The following B3GALNT1 variants were observed in gnomAD, a reference collection of about 807,000 sequenced individuals.
B3GALNT1 encodes UDP-GalNAc:beta-1,3-N-acetylgalactosaminyltransferase 1.
A neutral mutation model predicts 27.3 loss-of-function variants in B3GALNT1; 17 were observed. The ratio of observed to expected loss-of-function variants is 0.62; its 90% CI spans 0.43 to 0.94. The LOEUF is 0.94. B3GALNT1 is among the 40% of genes least tolerant of loss of function. B3GALNT1 has a pLI of 0.00. For synonymous variants in B3GALNT1, 141 were observed against 144.0 expected, an observed-to-expected ratio of 0.98 and a Z score of 0.15; for missense variants, 347 against 390.0, an observed-to-expected ratio of 0.89 and a Z score of 0.93.
In B3GALNT1 at chr3:161,086,606, A is replaced by C. The variant is rs1722117498; in HGVS notation, c.149T>G (p.Met50Arg). 3 of 1,614,208 alleles carry C rather than the reference A, an allele frequency of 1.9e-6. No individual in the cohort carries two copies. Among genetic ancestry groups the C allele is most frequent in the East Asian group, 2.2e-5 (1 of 44,886 alleles). The stretch of plus-strand genomic sequence containing the variant: ...AATCGGCTCATACTCATAGAAGTAC[A>C]TCCAGTTCACGCGTTCTATCACATT... ...HYNVIERVNWMYFYEYEPIYR... is the reference protein window; with the variant it reads ...HYNVIERVNWRYFYEYEPIYR... Residue 50 changes from methionine (M) to arginine (R), a missense_variant, in exon 5 of 5, where the codon ATG (methionine) becomes AGG (arginine). Coordinates refer to ENST00000320474, the MANE Select transcript of B3GALNT1 (RefSeq NM_003781.4).
At chr3:161,086,826 C>T in intron 4 of B3GALNT1, 38 bp from the exon 5 acceptor site, 2 of 1,570,738 alleles carry the variant, frequency 1.3e-6, no homozygotes, top group Non-Finnish European at 8.7e-7. Context: ...ATATTCCACA[C>T]CGAAAACACA....
At chr3:161,092,814 T>TGGA (rs1426331146) in intron 4 of B3GALNT1, among the ~76,000 whole-genome samples, 1 of 139,602 alleles carries the variant, frequency 7.2e-6, no homozygotes, top group African/African-American at 2.7e-5. Context: ...TCGCCCAGGC[T>TGGA]GGAGTGCAGT....
chr3:161,104,816 C>T, intron 1 of B3GALNT1: 1 of 153,552 alleles, frequency 6.5e-6, no homozygotes, highest in Non-Finnish European at 1.4e-5. Context: ...TTCCTCGGCA[C>T]CGCTGCAAAC....
chr3:161,094,448 T>C (rs1704086620), intron 4 of B3GALNT1, among the ~76,000 whole-genome samples: 1 of 152,118 alleles, frequency 6.6e-6, no homozygotes, highest in Middle Eastern at 3.2e-3. Context: ...ATGCAAAGAT[T>C]CCAGGAAAAC....
Position 161,086,557 on chromosome 3 carries a change from T to C in B3GALNT1, c.198A>G (p.Thr66=), listed in dbSNP as rs767745497. The C allele has an allele frequency of 2.2e-5, 36 of 1,614,024 alleles. No individual in the cohort carries two copies. The highest frequency in any genetic ancestry group is 1.1e-5 in the Non-Finnish European group (13 of 1,180,048). The change falls in exon 5 of 5, where the codon ACA becomes ACG. Residue 66 remains threonine (T), a synonymous_variant. Transcript: ENST00000320474. The part of the protein sequence containing the change: ...EPIYRQDFHF[T]LREHSNCSHQ... ...GAGAGCAGTTTGAATGCTCTCGAAGTGTGAAGTGAAAGTCTTGTCTGTAAA... is the reference window on the plus strand; with the variant it reads ...GAGAGCAGTTTGAATGCTCTCGAAGCGTGAAGTGAAAGTCTTGTCTGTAAA...
chr3:161,086,885 C>A (rs1722343798), intron 4 of B3GALNT1, 97 bp from the exon 5 acceptor site: 2 of 1,296,642 alleles, frequency 1.5e-6, no homozygotes, highest in African/African-American at 3.0e-5. Context: ...AGTAGGAGAA[C>A]AGAATCTCCA....
chr3:161,093,887 G>T (rs1726709920), intron 4 of B3GALNT1, among the ~76,000 whole-genome samples: 1 of 151,964 alleles, frequency 6.6e-6, no homozygotes, highest in African/African-American at 2.4e-5. Context: ...ATATGAATTT[G>T]CCAACTATAA....
chr3:161,088,372 A>G (rs867336137), intron 4 of B3GALNT1, among the ~76,000 whole-genome samples: 6 of 152,180 alleles, frequency 3.9e-5, no homozygotes, highest in Non-Finnish European at 8.8e-5. Flanking sequence ...ACATTCTATG[A>G]CCTTGTTGGC....
intron 4 of B3GALNT1, among the ~76,000 whole-genome samples, chr3:161,087,156 T>C (rs529356775): frequency 6.6e-6 from 1 of 152,128 alleles, no homozygotes; most frequent in East Asian, 1.9e-4. Context: ...TAAAAACAAA[T>C]AAATAAAATG....
chr3:161,091,966 C>T (rs900577435), intron 4 of B3GALNT1, among the ~76,000 whole-genome samples: 2 of 152,156 alleles, frequency 1.3e-5, no homozygotes, highest in Admixed American at 6.5e-5. Flanking sequence ...AGTAACACCA[C>T]GAAGATTACT....
At position 161,092,499 on chromosome 3, in the gene B3GALNT1, G is replaced by A. The variant is rs568483898; in HGVS notation, c.-34-5711C>T. The stretch of plus-strand genomic sequence containing the variant: ...CACCTATCAGCAGGAAGAATGAAAG[G>A]AACATGTGGTTAAAGGGGGAAAAAA... On this transcript the variant is annotated intron_variant, in intron 4 of 4. Coordinates refer to ENST00000320474, the MANE Select transcript of B3GALNT1 (RefSeq NM_003781.4). 5.9e-5 allele frequency among the ~76,000 whole-genome samples: 9 copies of A among 152,158 alleles called. 1 individual carries two copies. The South Asian group carries it at 1.9e-3, about 32-fold the overall frequency.
intron 3 of B3GALNT1, chr3:161,103,093 C>T (rs1031907232): frequency 2.6e-5 from 4 of 152,254 alleles, no homozygotes; most frequent in African/African-American, 9.7e-5. Flanking sequence ...ATTATTAGAG[C>T]CGGGTGAGGT....
In B3GALNT1 at chr3:161,101,166, A is replaced by G; in HGVS notation, c.-62T>C. 4 of 1,289,826 alleles carry G rather than the reference A, an allele frequency of 3.1e-6. No individual in the cohort carries two copies. The highest frequency in any genetic ancestry group is 4.0e-6 in the Non-Finnish European group (4 of 988,882). 79.9% of individuals were successfully genotyped at this position (1,289,826 alleles called of 1,614,324 possible). On this transcript the variant is annotated 5_prime_UTR_variant, in exon 4 of 5. Coordinates refer to ENST00000320474, the MANE Select transcript of B3GALNT1 (RefSeq NM_003781.4). ...TTACACTCGGGGTGAGTAGTCGGAG[A>G]GCACCACGTGATAGAGCAGCCAGCG...
At chr3:161,100,978 T>A (rs1053981783) in intron 4 of B3GALNT1, among the ~76,000 whole-genome samples, 161 bp downstream of exon 4, 4 of 152,078 alleles carry the variant, frequency 2.6e-5, no homozygotes, top group Non-Finnish European at 5.9e-5. Context: ...GCAGCCCAGG[T>A]AGAGGAAGAC....
chr3:161,100,094 G>C (rs1184387129), intron 4 of B3GALNT1, among the ~76,000 whole-genome samples: 1 of 152,154 alleles, frequency 6.6e-6, no homozygotes. Flanking sequence ...AATAAAATAT[G>C]TAAGTATCAC....
chr3:161,094,354 G>A (rs541617056), intron 4 of B3GALNT1, among the ~76,000 whole-genome samples: 7 of 152,230 alleles, frequency 4.6e-5, no homozygotes, highest in African/African-American at 1.7e-4. Context: ...GTAACTAATT[G>A]TTCATGCAGA....
In B3GALNT1 at chr3:161,092,790, G is replaced by A. The variant is rs1322367708; in HGVS notation, c.-34-6002C>T. On this transcript the variant is annotated intron_variant, in intron 4 of 4. Coordinates refer to ENST00000320474, the MANE Select transcript of B3GALNT1 (RefSeq NM_003781.4). ...TTTTTTTTTTTTTTTTTTTTGAGAT[G>A]GAGTCTCGCTCTGTCGCCCAGGCTG... 1.5e-4 allele frequency among the ~76,000 whole-genome samples: 16 copies of A among 109,494 alleles called. No homozygotes were observed. The Admixed American group carries it at 1.8e-3, about 12-fold the overall frequency. 71.8% of individuals were successfully genotyped at this position (109,494 alleles called of 152,430 possible).
At chr3:161,102,182 A>G (rs34166878) in intron 3 of B3GALNT1, among the ~76,000 whole-genome samples, 1 of 151,782 alleles carries the variant, frequency 6.6e-6, no homozygotes, top group African/African-American at 2.4e-5. Flanking sequence ...CAAACTCTGG[A>G]AACAAAATAG....
At chr3:161,099,260 G>A (rs953471980) in intron 4 of B3GALNT1, among the ~76,000 whole-genome samples, 14 of 152,004 alleles carry the variant, frequency 9.2e-5, no homozygotes, top group Non-Finnish European at 1.5e-4. Context: ...ATTAAAGAAC[G>A]TGGGCTTATT....
Sources: gnomAD v4.1 joint callset for allele counts (sites outside exome capture counted in the v4.1 genomes callset) on GRCh38, gnomAD v4.1.1 for gene constraint, MANE v1.5 for transcripts, NCBI Gene and HGNC (gene_info 2026-07-23, HGNC 2026-07-21) for gene names.